The following C3orf52 variants were observed in gnomAD, a reference collection of about 807,000 sequenced individuals.
C3orf52 encodes the protein chromosome 3 open reading frame 52, also known as TPA-induced transmembrane protein.
C3orf52 carries 22 observed loss-of-function variants against 24.8 expected under a neutral mutation model. The observed-to-expected ratio is 0.89, with a 90% confidence interval of 0.63 to 1.27. The LOEUF is 1.27. C3orf52 is among the 50% of genes most tolerant of loss of function. The pLI, the probability that C3orf52 is intolerant of heterozygous loss-of-function variation, is 0.00. For missense variants in C3orf52, 265 were observed against 260.7 expected (o/e 1.02, Z -0.11); for synonymous variants, 93 against 100.2 (o/e 0.93, Z 0.43).
chr3:112,086,466 G>A lies in C3orf52; in HGVS notation c.59G>A (p.Arg20Gln). 6.4e-7 allele frequency: 1 copy of A among 1,551,430 alleles called. No homozygotes were observed. The highest frequency in any genetic ancestry group is 8.7e-7 in the Non-Finnish European group (1 of 1,146,822). ...GAGCTGGAGCTCTCGGTGCTCGAGC[G>A]GCAGCCAGAAGAGAACACGCCTCTC... ...VDELELSVLE[R>Q]QPEENTPLNG... is the part of the protein sequence containing the mutation. The change falls in exon 1 of 6, where the codon CGG (arginine) becomes CAG (glutamine). Residue 20 changes from arginine (R) to glutamine (Q), a missense_variant. Arg to Gln is a conservative substitution (Grantham distance 43). Transcript: ENST00000264848.
At chr3:112,100,372 A>G (rs1263808220) in intron 2 of C3orf52, among the ~76,000 whole-genome samples, 2 of 152,188 alleles carry the variant, frequency 1.3e-5, no homozygotes, top group African/African-American at 2.4e-5. Context: ...TGTTTTTTCT[A>G]CACGAATAAG....
At chr3:112,127,838 A>G (rs946148610) in intron 4 of C3orf52, among the ~76,000 whole-genome samples, 1 of 152,130 alleles carries the variant, frequency 6.6e-6, no homozygotes, top group African/African-American at 2.4e-5. Context: ...CCATGAGACT[A>G]TTGTTCCTGT....
At chr3:112,133,935 C>T (rs1286347199), downstream of C3orf52, 1 of 152,248 alleles carries the variant, frequency 6.6e-6, no homozygotes, top group African/African-American at 2.4e-5. Context: ...ACAGTTATCC[C>T]TGTTATCCTG....
chr3:112,133,155 T>A, downstream of C3orf52: 1 of 1,612,634 alleles, frequency 6.2e-7, no homozygotes, highest in South Asian at 1.1e-5. Context: ...CCTCCGTCCC[T>A]TTACCACTTC....
At chr3:112,096,934 G>A (rs1426353266) in intron 2 of C3orf52, among the ~76,000 whole-genome samples, 4 of 152,180 alleles carry the variant, frequency 2.6e-5, no homozygotes, top group Non-Finnish European at 4.4e-5. Flanking sequence ...GCACTGAGTA[G>A]GGGCTTTGTA....
At position 112,102,959 on chromosome 3, in the gene C3orf52, C is replaced by T. The variant is rs199685620; in HGVS notation, c.390C>T (p.Thr130=). The change falls in exon 3 of 6, where the codon ACC becomes ACT. Residue 130 remains threonine (T), a synonymous_variant. Coordinates refer to ENST00000264848, the MANE Select transcript of C3orf52 (RefSeq NM_024616.3). The part of the protein sequence containing the change: ...VAEEELPHLL[T]ERLTDVYSTS... ...AAGAGGAATTGCCTCACCTGCTCAC[C>T]GAAAGGGTAATTCCATCTTATATAT... 3.6e-4 allele frequency: 582 copies of T among 1,612,120 alleles called. No homozygotes were observed. Among genetic ancestry groups the T allele is most frequent in the Middle Eastern group, 3.5e-3 (21 of 6,060 alleles).
chr3:112,098,272 G>C (rs1450689616), intron 2 of C3orf52, among the ~76,000 whole-genome samples: 2 of 152,130 alleles, frequency 1.3e-5, no homozygotes. Flanking sequence ...CTTATTGTCA[G>C]CTTTTAGCTC....
chr3:112,102,843 T>G lies in C3orf52; in HGVS notation c.274T>G (p.Tyr92Asp). 1 of 1,561,176 alleles carries G rather than the reference T, an allele frequency of 6.4e-7. No homozygotes were observed. The highest frequency in any genetic ancestry group is 1.2e-5 in the South Asian group (1 of 83,732). ...IIGLCLAAVTYVDEDENEILE... is the reference protein window; with the variant it reads ...IIGLCLAAVTDVDEDENEILE... ...ACCTCCCCTACTTTCTTTAGTAACT[T>G]ATGTTGATGAAGATGAAAATGAAAT... The change falls in exon 3 of 6, where the codon TAT becomes GAT. Residue 92 changes from tyrosine to aspartate, a missense_variant. Transcript: ENST00000264848.
downstream of C3orf52, chr3:112,134,325 C>A (rs1376714663): frequency 6.6e-6 from 1 of 152,204 alleles, no homozygotes; most frequent in Non-Finnish European, 1.5e-5. Context: ...CCCTGACTCT[C>A]CATTGAGTGG....
chr3:112,108,881 A>G lies in C3orf52; in HGVS notation c.397-662A>G, dbSNP rs573062750. ...TAAGAAAGAGAGAGAGGAGGAACTGAATAGTATGTAGGAGTCACTTTAGCT... is the reference window on the plus strand; with the variant it reads ...TAAGAAAGAGAGAGAGGAGGAACTGGATAGTATGTAGGAGTCACTTTAGCT... On this transcript the variant is annotated intron_variant, in intron 3 of 5. Coordinates refer to ENST00000264848, the MANE Select transcript of C3orf52 (RefSeq NM_024616.3). 1.2e-3 allele frequency among the ~76,000 whole-genome samples: 184 copies of G among 152,322 alleles called. 1 individual carries two copies. Among genetic ancestry groups the G allele is most frequent in the African/African-American group, 4.3e-3 (177 of 41,570 alleles).
At chr3:112,115,690 T>C (rs903073860) in intron 5 of C3orf52, among the ~76,000 whole-genome samples, 4 of 152,174 alleles carry the variant, frequency 2.6e-5, no homozygotes, top group Admixed American at 6.5e-5. Flanking sequence ...TTGGGGTTTG[T>C]ATATGTGCGC....
At chr3:112,096,018 G>C (rs1250361694) in intron 2 of C3orf52, among the ~76,000 whole-genome samples, 8 of 152,180 alleles carry the variant, frequency 5.3e-5, no homozygotes, top group Non-Finnish European at 1.2e-4. Flanking sequence ...GTCAAGGGCT[G>C]TGCCTGTGGC....
At position 112,102,856 on chromosome 3, in the gene C3orf52, A is replaced by T; in HGVS notation, c.287A>T (p.Asp96Val). 1 of 1,570,610 alleles carries T rather than the reference A, an allele frequency of 6.4e-7. No homozygotes were observed. The highest frequency in any genetic ancestry group is 8.6e-7 in the Non-Finnish European group (1 of 1,156,562). ...TCTTTAGTAACTTATGTTGATGAAG[A>T]TGAAAATGAAATACTTGAATTATCA... The part of the protein sequence containing the change: ...CLAAVTYVDE[D>V]ENEILELSSN... The change falls in exon 3 of 6, where the codon GAT (aspartate) becomes GTT (valine). Residue 96 changes from aspartate to valine, a missense_variant. Asp to Val is a radical substitution (Grantham distance 152, BLOSUM62 -3). Transcript: ENST00000264848.
chr3:112,112,551 A>G (rs983285026), intron 4 of C3orf52: 2 of 218,774 alleles, frequency 9.1e-6, no homozygotes, highest in Non-Finnish European at 1.9e-5. Flanking sequence ...TGTGGGGGCA[A>G]TGCTGAGAAC....
chr3:112,126,737 C>T (rs977577921), intron 4 of C3orf52, among the ~76,000 whole-genome samples: 2 of 152,168 alleles, frequency 1.3e-5, no homozygotes, highest in African/African-American at 4.8e-5. Flanking sequence ...GTATCCTTGC[C>T]CCCAGTTACT....
chr3:112,114,011 A>C (rs907867034), intron 5 of C3orf52, among the ~76,000 whole-genome samples: 1 of 152,190 alleles, frequency 6.6e-6, no homozygotes, highest in Non-Finnish European at 1.5e-5. Flanking sequence ...CTTTCTCCAC[A>C]TGAGTAGGTT....
chr3:112,124,540 G>A (rs908942666), intron 4 of C3orf52, among the ~76,000 whole-genome samples: 3 of 152,096 alleles, frequency 2.0e-5, no homozygotes, highest in African/African-American at 4.8e-5. Context: ...CCCAGGAGGC[G>A]GAGGTTGCAG....
At chr3:112,113,198 G>T in intron 5 of C3orf52, 53 bp downstream of exon 5, 1 of 1,458,428 alleles carries the variant, frequency 6.9e-7, no homozygotes, top group Non-Finnish European at 9.3e-7. Flanking sequence ...AGGTGAACCA[G>T]ATTGGGGTCA....
chr3:112,120,903 A>G (rs1413684638), downstream of C3orf52: 2 of 152,114 alleles, frequency 1.3e-5, no homozygotes, highest in Non-Finnish European at 2.9e-5. Context: ...AGTATATTAC[A>G]CTCATATCAG....
Sources: gnomAD v4.1 joint callset for allele counts (sites outside exome capture counted in the v4.1 genomes callset) on GRCh38, gnomAD v4.1.1 for gene constraint, MANE v1.5 for transcripts, NCBI Gene and HGNC (gene_info 2026-07-23, HGNC 2026-07-21) for gene names.